Variants in PCDHGA6 observed in about 807,000 individuals in gnomAD.
PCDHGA6 encodes protocadherin gamma subfamily A, 6.
PCDHGA6 carries 41 observed loss-of-function variants against 60.6 expected under a neutral mutation model. The ratio of observed to expected loss-of-function variants is 0.68; its 90% CI spans 0.53 to 0.88. The LOEUF is 0.88. PCDHGA6 is among the 40% of genes least tolerant of loss of function. PCDHGA6 has a pLI of 0.00. For missense variants in PCDHGA6, 1,312 were observed against 1,203.0 expected (o/e 1.09, Z -1.34); for synonymous variants, 594 against 524.4 (o/e 1.13, Z -1.81).
chr5:141,417,869 A>C, intron 1 of PCDHGA6: 2 of 1,553,552 alleles, frequency 1.3e-6, no homozygotes, highest in South Asian at 2.4e-5. Context: ...GATGGGAGGG[A>C]GCTGCGCGCA....
intron 1 of PCDHGA6, chr5:141,388,238 C>T (rs546808390): frequency 4.8e-5 from 77 of 1,607,582 alleles, no homozygotes; most frequent in Non-Finnish European, 6.4e-5. Flanking sequence ...ACTTTTATCA[C>T]GTGAATGTGG....
Position 141,415,740 on chromosome 5 carries a change from G to GTTTTTTTTTTTTTTT in PCDHGA6, c.2424+39251_2424+39265dup, listed in dbSNP as rs57426385. 67 of 625,038 alleles carry GTTTTTTTTTTTTTTT rather than the reference G, an allele frequency of 1.1e-4. 1 individual carries two copies. Among genetic ancestry groups the GTTTTTTTTTTTTTTT allele is most frequent in the African/African-American group, 2.5e-4 (10 of 39,932 alleles). The allele number at this position is 625,038 out of a possible 1,614,324, so 38.7% of individuals were successfully genotyped here. A position where few individuals can be genotyped will look rare whatever the true frequency, so the allele number is the denominator to read the frequency against. ...TGAGTAGAATTTGATGTTTATTAAG[G>GTTTTTTTTTTTTTTT]TTTTTTTTTTTTTTTTTTTTTTTTT... On this transcript the variant is annotated intron_variant, in intron 1 of 3. Coordinates refer to ENST00000517434, the MANE Select transcript of PCDHGA6 (RefSeq NM_018919.3).
At chr5:141,424,215 G>T in intron 1 of PCDHGA6, 1 of 167,104 alleles carries the variant, frequency 6.0e-6, no homozygotes. Flanking sequence ...TTTTCTCTGA[G>T]CAATTTTATT....
At chr5:141,392,242 G>T (rs1294476832) in intron 1 of PCDHGA6, 1 of 152,134 alleles carries the variant, frequency 6.6e-6, no homozygotes, top group Non-Finnish European at 1.5e-5. Context: ...TTAGTTATTT[G>T]TTAGTATATA....
At chr5:141,384,676 G>A in intron 1 of PCDHGA6, 4 of 1,614,214 alleles carry the variant, frequency 2.5e-6, no homozygotes, top group Non-Finnish European at 3.4e-6. Flanking sequence ...CAAGGTGGTG[G>A]CGGTGGACAA....
At chr5:141,418,872 T>C (rs1351483025) in intron 1 of PCDHGA6, 11 of 1,613,996 alleles carry the variant, frequency 6.8e-6, no homozygotes, top group East Asian at 2.2e-5. Context: ...GTAGAAGTTG[T>C]AGACGAAAAC....
intron 1 of PCDHGA6, chr5:141,408,444 G>A (rs2095109468): frequency 6.2e-6 from 10 of 1,613,960 alleles, no homozygotes; most frequent in Non-Finnish European, 7.6e-6. Context: ...GACGCGGAGA[G>A]CGGGGACTTA....
chr5:141,441,725 C>A, intron 1 of PCDHGA6: 1 of 352,450 alleles, frequency 2.8e-6, no homozygotes. Flanking sequence ...AGGCCCGCGA[C>A]CAGGACTAGC....
intron 1 of PCDHGA6, chr5:141,422,395 C>T: frequency 1.9e-6 from 3 of 1,596,286 alleles, no homozygotes; most frequent in South Asian, 1.1e-5. Context: ...TATTCCTAAC[C>T]ACCTGCCTTT....
chr5:141,428,052 G>A (rs750852525), intron 1 of PCDHGA6: 6 of 1,608,992 alleles, frequency 3.7e-6, no homozygotes, highest in East Asian at 4.5e-5. Context: ...GACCAAGGTG[G>A]TGGCGGTGGA....
Position 141,375,767 on chromosome 5 carries a change from A to T in PCDHGA6, c.1684A>T (p.Ile562Phe), listed in dbSNP as rs190439419. ...GGACCAGAATGACAATGCGCCCGAGATCCTGTACCCCGCCCTCCCCACAGA... is the reference window on the plus strand; with the variant it reads ...GGACCAGAATGACAATGCGCCCGAGTTCCTGTACCCCGCCCTCCCCACAGA... ...VLDQNDNAPEILYPALPTDGS... is the reference protein window; with the variant it reads ...VLDQNDNAPEFLYPALPTDGS... The change falls in exon 1 of 4, where the codon ATC (isoleucine) becomes TTC (phenylalanine). Residue 562 changes from isoleucine to phenylalanine, a missense_variant. By Grantham distance (21) the Ile-to-Phe change is conservative. Transcript: ENST00000517434. 3.1e-4 allele frequency: 496 copies of T among 1,614,182 alleles called. 1 individual carries two copies. The highest frequency in any genetic ancestry group is 3.8e-4 in the Non-Finnish European group (444 of 1,180,008).
chr5:141,511,041 C>T lies in PCDHGA6; in HGVS notation c.2667C>T (p.Pro889=), dbSNP rs1421629777. 1.5e-5 allele frequency: 24 copies of T among 1,614,076 alleles called. No individual in the cohort carries two copies. The highest frequency in any genetic ancestry group is 5.5e-5 in the South Asian group (5 of 91,092). Residue 889 remains proline, a synonymous_variant, in exon 4 of 4, where the codon CCC becomes CCT. Transcript: ENST00000517434. The part of the protein sequence containing the change: ...YGPQFTLQHV[P]DYRQNVYIPG... ...CCCAGTTCACCCTGCAGCACGTGCCCGACTACCGCCAGAATGTCTACATCC... is the reference window on the plus strand; with the variant it reads ...CCCAGTTCACCCTGCAGCACGTGCCTGACTACCGCCAGAATGTCTACATCC...
intron 1 of PCDHGA6, chr5:141,384,367 T>G (rs1780005491): frequency 1.2e-6 from 2 of 1,613,766 alleles, no homozygotes; most frequent in African/African-American, 2.7e-5. Flanking sequence ...GATCACTTAT[T>G]CCTTGGCCGA....
intron 1 of PCDHGA6, chr5:141,393,264 C>A (rs537186931): frequency 6.2e-7 from 1 of 1,613,916 alleles, no homozygotes. Flanking sequence ...TCCTGGAGCA[C>A]GTTATCCACT....
At chr5:141,460,981 GTGTATATA>G (rs1342006423) in intron 1 of PCDHGA6, among the ~76,000 whole-genome samples, 30 of 121,890 alleles carry the variant, frequency 2.5e-4, no homozygotes, top group African/African-American at 5.8e-4. Flanking sequence ...GTGTGTGTGT[GTGTATATA>G]TATATATGTG....
chr5:141,485,009 C>A lies in PCDHGA6; in HGVS notation c.2425-9798C>A, dbSNP rs531346426. 4 of 628,216 alleles carry A rather than the reference C, an allele frequency of 6.4e-6. No individual in the cohort carries two copies. Among genetic ancestry groups the A allele is most frequent in the African/African-American group, 3.7e-5 (2 of 54,100 alleles). 38.9% of individuals were successfully genotyped at this position (628,216 alleles called of 1,614,324 possible). On this transcript the variant is annotated intron_variant, in intron 1 of 3. Transcript: ENST00000517434. This position sits in a 1 kb window ranked among gnomAD's most constrained non-coding sequence, Gnocchi z 5.7. Reference sequence around the variant, plus strand: ...GGTGGTGAAAGGCAGACAAATCTACCCCGCCACCAGCAAAAACGGCGCGTA... The same window carrying A: ...GGTGGTGAAAGGCAGACAAATCTACACCGCCACCAGCAAAAACGGCGCGTA...
At chr5:141,387,479 A>C (rs2090961106) in intron 1 of PCDHGA6, among the ~76,000 whole-genome samples, 1 of 152,258 alleles carries the variant, frequency 6.6e-6, no homozygotes, top group Non-Finnish European at 1.5e-5. Context: ...AGTTGGGATG[A>C]AGGCATTCCT....
chr5:141,400,005 T>A, intron 1 of PCDHGA6: 1 of 1,612,520 alleles, frequency 6.2e-7, no homozygotes, highest in Non-Finnish European at 8.5e-7. Context: ...GCACAGCGCG[T>A]GCCTTGGGCG....
intron 1 of PCDHGA6, chr5:141,389,914 C>T (rs754458764): frequency 6.2e-7 from 1 of 1,613,956 alleles, no homozygotes; most frequent in South Asian, 1.1e-5. Flanking sequence ...ACTGACCGCC[C>T]CGACCCCTCT....
Sources: allele counts gnomAD v4.1 joint callset (sites outside exome capture counted in the v4.1 genomes callset), GRCh38; gene constraint gnomAD v4.1.1; non-coding constraint Gnocchi (gnomAD v3.1); transcripts MANE v1.5; gene names NCBI Gene and HGNC (gene_info 2026-07-23, HGNC 2026-07-21).